NTNG1: variants seen among roughly 807,000 people sequenced by gnomAD.
NTNG1 encodes the protein netrin-G1.
Under a neutral mutation model 54.0 loss-of-function variants are expected in NTNG1, and 16 were observed. The ratio of observed to expected loss-of-function variants is 0.30; its 90% CI spans 0.20 to 0.45. The LOEUF (loss-of-function observed/expected upper bound fraction) is 0.45, where lower values mean the gene tolerates loss of function less well. Among genes scored for constraint, NTNG1 ranks in the 20% least tolerant of loss-of-function variants. The pLI, the probability that NTNG1 is intolerant of heterozygous loss-of-function variation, is 1.00. For missense variants in NTNG1, 530 were observed against 678.7 expected (o/e 0.78, Z 2.43); for synonymous variants, 255 against 263.1 (o/e 0.97, Z 0.30).
chr1:107,268,304 T>C (rs1368853786), intron 2 of NTNG1, among the ~76,000 whole-genome samples: 2 of 152,146 alleles, frequency 1.3e-5, no homozygotes, highest in African/African-American at 2.4e-5. Flanking sequence ...TCCCCACCAC[T>C]GTAACAAATA....
chr1:107,163,214 T>A (rs564373805), intron 2 of NTNG1, among the ~76,000 whole-genome samples: 1 of 152,272 alleles, frequency 6.6e-6, no homozygotes, highest in South Asian at 2.1e-4. Flanking sequence ...TAGAGCCAAG[T>A]GTTCTGAAGT....
intron 3 of NTNG1, among the ~76,000 whole-genome samples, chr1:107,340,573 C>G (rs566379059): frequency 6.2e-4 from 94 of 152,014 alleles, no homozygotes; most frequent in Non-Finnish European, 1.2e-3. Context: ...ATTATTCTAT[C>G]AGATTTTTCT....
At chr1:107,275,982 G>A (rs7537462) in intron 2 of NTNG1, among the ~76,000 whole-genome samples, 86,377 of 152,098 alleles carry the variant, frequency 0.57, 27,727 homozygotes, top group Non-Finnish European at 0.72. Flanking sequence ...ACTTAGTACA[G>A]AGCTGGAATG....
At chr1:107,299,865 C>A (rs1666216503) in intron 2 of NTNG1, among the ~76,000 whole-genome samples, 1 of 152,170 alleles carries the variant, frequency 6.6e-6, no homozygotes, top group South Asian at 2.1e-4. Flanking sequence ...CATACACACA[C>A]ACACACAGAC....
At chr1:107,305,982 ACTG>A (rs1360498270) in intron 2 of NTNG1, among the ~76,000 whole-genome samples, 1 of 152,086 alleles carries the variant, frequency 6.6e-6, no homozygotes, top group Non-Finnish European at 1.5e-5. Flanking sequence ...TTCCTGGACT[ACTG>A]CTGGAAACAA....
At chr1:107,150,189 A>G (rs1654453369) in intron 2 of NTNG1, among the ~76,000 whole-genome samples, 2 of 152,200 alleles carry the variant, frequency 1.3e-5, no homozygotes, top group South Asian at 4.1e-4. Flanking sequence ...GAAAGACTAA[A>G]TATTTCAAAG....
intron 3 of NTNG1, chr1:107,330,986 T>C (rs1200836268): frequency 6.6e-6 from 1 of 152,108 alleles, no homozygotes; most frequent in Non-Finnish European, 1.5e-5. Context: ...TCCTTTAAAT[T>C]TGTATAGCAT....
At chr1:107,263,933 C>A (rs3123371) in intron 2 of NTNG1, among the ~76,000 whole-genome samples, 2 of 152,332 alleles carry the variant, frequency 1.3e-5, no homozygotes, top group African/African-American at 4.8e-5. Context: ...CTGAAGTTTC[C>A]TATCTTTAAA....
chr1:107,264,497 T>C (rs748191527), intron 2 of NTNG1, among the ~76,000 whole-genome samples: 6 of 152,212 alleles, frequency 3.9e-5, no homozygotes, highest in Admixed American at 1.3e-4. Context: ...CCTATGAAGT[T>C]AAAAGACTAT....
chr1:107,315,685 C>T (rs1667295344), intron 2 of NTNG1, among the ~76,000 whole-genome samples: 1 of 152,138 alleles, frequency 6.6e-6, no homozygotes, highest in Admixed American at 6.5e-5. Flanking sequence ...TGGGTCTCAA[C>T]TTATTTTTCC....
intron 7 of NTNG1, among the ~76,000 whole-genome samples, chr1:107,473,362 G>C (rs1678106259): frequency 6.6e-6 from 1 of 152,108 alleles, no homozygotes. Context: ...TGACCTTAGG[G>C]GAACAAGTGA....
intron 3 of NTNG1, among the ~76,000 whole-genome samples, chr1:107,346,762 A>G (rs539609542): frequency 1.4e-4 from 22 of 152,056 alleles, no homozygotes; most frequent in African/African-American, 5.1e-4. Context: ...TCTTGCCCCT[A>G]TAACAGCCAG....
intron 2 of NTNG1, among the ~76,000 whole-genome samples, chr1:107,221,758 G>T (rs1351619032): frequency 6.6e-6 from 1 of 152,162 alleles, no homozygotes; most frequent in East Asian, 1.9e-4. Context: ...GCTCTGTTCA[G>T]TAAAAAAGAG....
At chr1:107,324,166 T>C in intron 2 of NTNG1, 116 bp from the exon 3 acceptor site, 1 of 878,174 alleles carries the variant, frequency 1.1e-6, no homozygotes, top group Non-Finnish European at 1.8e-6. Flanking sequence ...ATAAAAATGA[T>C]TACTGAAAAC....
At chr1:107,157,680 T>G (rs1655104480) in intron 2 of NTNG1, among the ~76,000 whole-genome samples, 1 of 152,118 alleles carries the variant, frequency 6.6e-6, no homozygotes, top group African/African-American at 2.4e-5. Flanking sequence ...ATGCATTTAT[T>G]GAGAGGGTTG....
At chr1:107,147,914 G>A (rs757664979) in intron 1 of NTNG1, among the ~76,000 whole-genome samples, 155 bp from the exon 2 acceptor site, 6 of 152,054 alleles carry the variant, frequency 3.9e-5, no homozygotes, top group Non-Finnish European at 8.8e-5. Flanking sequence ...TGATTTCCAT[G>A]GTTTGCTCAT....
chr1:107,403,235 G>T (rs1174867638), intron 4 of NTNG1, among the ~76,000 whole-genome samples: 1 of 152,140 alleles, frequency 6.6e-6, no homozygotes, highest in Non-Finnish European at 1.5e-5. Context: ...AGGGCTGATT[G>T]AGGAAAGAAT....
At chr1:107,199,406 T>C (rs1389510161) in intron 2 of NTNG1, among the ~76,000 whole-genome samples, 1 of 151,938 alleles carries the variant, frequency 6.6e-6, no homozygotes, top group Non-Finnish European at 1.5e-5. Flanking sequence ...TGTAGATCTA[T>C]ATCTTTGTAA....
chr1:107,385,118 A>G (rs933534360), intron 3 of NTNG1, among the ~76,000 whole-genome samples: 5 of 152,228 alleles, frequency 3.3e-5, no homozygotes, highest in African/African-American at 1.2e-4. Context: ...ATAATAGCTT[A>G]TATTTATTAA....
Sources: allele counts gnomAD v4.1 joint callset (sites outside exome capture counted in the v4.1 genomes callset), GRCh38; gene constraint gnomAD v4.1.1; transcripts MANE v1.5; gene names NCBI Gene and HGNC (gene_info 2026-07-23, HGNC 2026-07-21).